PALM2AKAP2: variants seen among roughly 807,000 people sequenced by gnomAD.
PALM2AKAP2 encodes the protein PALM2-AKAP2 fusion protein.
In PALM2AKAP2, 37 loss-of-function variants were observed where a neutral mutation model predicts 71.5. The ratio of observed to expected loss-of-function variants is 0.52; its 90% confidence interval spans 0.40 to 0.68. PALM2AKAP2 has a LOEUF of 0.68. Among genes scored for constraint, PALM2AKAP2 ranks in the 30% least tolerant of loss-of-function variants. The pLI is 0.00. For synonymous variants in PALM2AKAP2, 468 were observed against 478.8 expected (o/e 0.98, Z 0.29); for missense variants, 1,224 against 1,191.8 (o/e 1.03, Z -0.40).
At chr9:109,968,635 T>C (rs147129853) in intron 6 of PALM2AKAP2, among the ~76,000 whole-genome samples, 2 of 152,176 alleles carry the variant, frequency 1.3e-5, no homozygotes, top group Non-Finnish European at 2.9e-5. Flanking sequence ...GCCTTCAGCA[T>C]CTACCACTTG....
At chr9:110,132,815 GATCAGGCTGTT>G (rs1479198049) in intron 1 of PALM2AKAP2, among the ~76,000 whole-genome samples, 1 of 152,004 alleles carries the variant, frequency 6.6e-6, no homozygotes, top group Non-Finnish European at 1.5e-5. Flanking sequence ...TCACCATGTT[GATCAGGCTGTT>G]CTCAAACTCC....
chr9:110,084,841 T>C (rs1226095349), intron 1 of PALM2AKAP2, among the ~76,000 whole-genome samples: 1 of 152,120 alleles, frequency 6.6e-6, no homozygotes, highest in East Asian at 1.9e-4. Context: ...GTTCAAGCGA[T>C]TCTCCTGCCT....
chr9:110,136,971 C>G (rs772158471), exon 2 of PALM2AKAP2: 4 of 1,614,016 alleles, frequency 2.5e-6, no homozygotes, highest in Non-Finnish European at 3.4e-6. Flanking sequence ...TGGAATCCCC[C>G]GCAGGAAAAA....
chr9:109,863,619 G>C (rs1829370173), intron 1 of PALM2AKAP2, among the ~76,000 whole-genome samples: 1 of 152,200 alleles, frequency 6.6e-6, no homozygotes, highest in Non-Finnish European at 1.5e-5. Context: ...GGAAACCAGT[G>C]GGCTATCCCG....
intron 1 of PALM2AKAP2, among the ~76,000 whole-genome samples, chr9:109,694,339 C>A (rs915343337): frequency 6.6e-6 from 1 of 152,018 alleles, no homozygotes; most frequent in Non-Finnish European, 1.5e-5. Flanking sequence ...GTGTCACACA[C>A]AATTACTTCT....
chr9:109,961,347 T>C (rs1831847859), intron 6 of PALM2AKAP2, among the ~76,000 whole-genome samples: 1 of 152,218 alleles, frequency 6.6e-6, no homozygotes, highest in Non-Finnish European at 1.5e-5. Flanking sequence ...TATTCTTCCT[T>C]GATTTTCTCC....
At chr9:109,820,827 A>T (rs1460082303) in intron 1 of PALM2AKAP2, among the ~76,000 whole-genome samples, 2 of 152,188 alleles carry the variant, frequency 1.3e-5, no homozygotes, top group African/African-American at 2.4e-5. Context: ...TTTGCACAAC[A>T]TATACCGGTG....
chr9:109,762,790 AC>A (rs1376889956), intron 1 of PALM2AKAP2, among the ~76,000 whole-genome samples: 1 of 152,196 alleles, frequency 6.6e-6, no homozygotes, highest in Non-Finnish European at 1.5e-5. Flanking sequence ...TAGACAAGTG[AC>A]TTTTTGCCTT....
intron 1 of PALM2AKAP2, among the ~76,000 whole-genome samples, chr9:110,114,796 G>C (rs1400579705): frequency 6.6e-6 from 1 of 152,180 alleles, no homozygotes; most frequent in Non-Finnish European, 1.5e-5. Context: ...CCTTGTTTCT[G>C]GTTCTCAGAC....
intron 7 of PALM2AKAP2, among the ~76,000 whole-genome samples, chr9:110,037,158 T>C (rs141019416): frequency 1.6e-4 from 24 of 152,320 alleles, no homozygotes; most frequent in African/African-American, 5.8e-4. Context: ...GTAAGCTACA[T>C]GAACATGGGG....
At chr9:109,951,016 C>A (rs1588029132) in intron 6 of PALM2AKAP2, among the ~76,000 whole-genome samples, 1 of 152,356 alleles carries the variant, frequency 6.6e-6, no homozygotes, top group East Asian at 1.9e-4. Context: ...CTGTGATATC[C>A]TATTCTGGCA....
intron 1 of PALM2AKAP2, among the ~76,000 whole-genome samples, chr9:109,852,839 GTGTC>G (rs1182909881): frequency 6.6e-6 from 1 of 152,136 alleles, no homozygotes; most frequent in Admixed American, 6.5e-5. Context: ...CTTTTGAAAA[GTGTC>G]TGTTCATGTC....
At chr9:109,772,894 G>A (rs549918751) in intron 1 of PALM2AKAP2, among the ~76,000 whole-genome samples, 1 of 152,190 alleles carries the variant, frequency 6.6e-6, no homozygotes, top group Non-Finnish European at 1.5e-5. Flanking sequence ...CGAAGCGGGC[G>A]GATCACGAGG....
chr9:109,655,908 T>C (rs1827298569), intron 1 of PALM2AKAP2, among the ~76,000 whole-genome samples: 1 of 152,178 alleles, frequency 6.6e-6, no homozygotes, highest in African/African-American at 2.4e-5. Context: ...GGTGTACAAG[T>C]ATGTGTTTGA....
chr9:109,852,018 CA>C (rs1409334922), intron 1 of PALM2AKAP2, among the ~76,000 whole-genome samples: 1 of 152,022 alleles, frequency 6.6e-6, no homozygotes, highest in Non-Finnish European at 1.5e-5. Context: ...GGTTCCCCAT[CA>C]ATAGGTAAAA....
intron 1 of PALM2AKAP2, among the ~76,000 whole-genome samples, chr9:109,738,257 TCA>T (rs1828666657): frequency 6.6e-6 from 1 of 152,238 alleles, no homozygotes; most frequent in African/African-American, 2.4e-5. Flanking sequence ...ACCCACTTTC[TCA>T]CAGTTGCCCC....
chr9:109,668,676 A>G (rs1827528912), intron 1 of PALM2AKAP2, among the ~76,000 whole-genome samples: 1 of 152,220 alleles, frequency 6.6e-6, no homozygotes, highest in South Asian at 2.1e-4. Context: ...TGATTAGCCA[A>G]CCAACACTAT....
At chr9:109,884,152 GAAAAGACATTT>G (rs1829914542) in intron 3 of PALM2AKAP2, among the ~76,000 whole-genome samples, 1 of 152,158 alleles carries the variant, frequency 6.6e-6, no homozygotes. Context: ...GGAAACTACA[GAAAAGACATTT>G]AAAAAGAAAG....
intron 6 of PALM2AKAP2, among the ~76,000 whole-genome samples, chr9:110,011,913 C>A (rs1230182053): frequency 6.6e-6 from 1 of 152,156 alleles, no homozygotes; most frequent in East Asian, 1.9e-4. Context: ...CAGATCTCCA[C>A]CATAGGTACG....
Sources: allele counts gnomAD v4.1 joint callset (sites outside exome capture counted in the v4.1 genomes callset), GRCh38; gene constraint gnomAD v4.1.1; transcripts MANE v1.5; gene names NCBI Gene and HGNC (gene_info 2026-07-23, HGNC 2026-07-21).